Variants in SNTB1 observed in about 807,000 individuals in gnomAD.
SNTB1 encodes the protein beta-1-syntrophin.
A neutral mutation model predicts 48.9 loss-of-function variants in SNTB1; 36 were observed. The observed-to-expected ratio is 0.74, with a 90% CI of 0.56 to 0.97. The LOEUF (loss-of-function observed/expected upper bound fraction) is 0.97. Among genes scored for constraint, SNTB1 ranks in the 50% least tolerant of loss-of-function variants. SNTB1 has a pLI of 0.00. For synonymous variants in SNTB1, 299 were observed against 294.6 expected, an observed-to-expected ratio of 1.01 and a Z score of -0.15; for missense variants, 786 against 703.4, an observed-to-expected ratio of 1.12 and a Z score of -1.33.
chr8:120,793,326 G>C (rs1473031234), intron 1 of SNTB1, among the ~76,000 whole-genome samples: 1 of 152,076 alleles, frequency 6.6e-6, no homozygotes, highest in East Asian at 1.9e-4. Flanking sequence ...ATCTGTGCTT[G>C]CCCAAAGGCA....
chr8:120,612,444 C>T (rs994285009), intron 3 of SNTB1, among the ~76,000 whole-genome samples: 4 of 152,212 alleles, frequency 2.6e-5, no homozygotes, highest in Admixed American at 6.5e-5. Flanking sequence ...TTATTAAACA[C>T]TGTTAGGCAT....
chr8:120,599,704 G>C (rs2130717287), intron 3 of SNTB1, among the ~76,000 whole-genome samples: 1 of 152,312 alleles, frequency 6.6e-6, no homozygotes, highest in African/African-American at 2.4e-5. Flanking sequence ...ATATGTCAAA[G>C]AGATGTCGTA....
intron 1 of SNTB1, among the ~76,000 whole-genome samples, chr8:120,715,631 G>A (rs1818542318): frequency 6.6e-6 from 1 of 152,222 alleles, no homozygotes; most frequent in African/African-American, 2.4e-5. Context: ...TAAAGTTTCT[G>A]TGACGATTTC....
At chr8:120,598,307 C>T (rs1214037371) in intron 3 of SNTB1, among the ~76,000 whole-genome samples, 2 of 152,200 alleles carry the variant, frequency 1.3e-5, no homozygotes, top group African/African-American at 4.8e-5. Context: ...CTTCTTCATC[C>T]TCATCTCTGC....
intron 5 of SNTB1, among the ~76,000 whole-genome samples, chr8:120,543,810 G>A (rs966003511): frequency 1.3e-5 from 2 of 152,110 alleles, no homozygotes; most frequent in Admixed American, 1.3e-4. Context: ...CTTGTAACTA[G>A]GGCTGATCTT....
At chr8:120,763,693 A>G (rs758606523) in intron 1 of SNTB1, among the ~76,000 whole-genome samples, 7 of 152,200 alleles carry the variant, frequency 4.6e-5, no homozygotes, top group Non-Finnish European at 1.0e-4. Context: ...AAGACAACCT[A>G]TAAGAATTAA....
chr8:120,795,128 T>C (rs889192951), intron 1 of SNTB1, among the ~76,000 whole-genome samples: 3 of 152,114 alleles, frequency 2.0e-5, no homozygotes, highest in Non-Finnish European at 4.4e-5. Flanking sequence ...ATTTAAAATT[T>C]ATTTGTATCA....
intron 3 of SNTB1, among the ~76,000 whole-genome samples, chr8:120,578,138 A>G (rs540115081): frequency 1.3e-5 from 2 of 151,830 alleles, no homozygotes; most frequent in South Asian, 2.1e-4. Context: ...GGTTCACGCC[A>G]TTCTCCTGCC....
chr8:120,555,876 G>C (rs1054077479), intron 4 of SNTB1, among the ~76,000 whole-genome samples: 2 of 152,116 alleles, frequency 1.3e-5, no homozygotes, highest in Admixed American at 6.5e-5. Flanking sequence ...GAAAGACCAC[G>C]TGAGGACACA....
chr8:120,646,461 T>A (rs979692030), intron 2 of SNTB1, among the ~76,000 whole-genome samples: 5 of 150,208 alleles, frequency 3.3e-5, no homozygotes, highest in African/African-American at 1.2e-4. Flanking sequence ...AAATGCTGGA[T>A]TACATTTATT....
chr8:120,758,747 C>G (rs1271957158), intron 1 of SNTB1, among the ~76,000 whole-genome samples: 1 of 152,110 alleles, frequency 6.6e-6, no homozygotes, highest in Non-Finnish European at 1.5e-5. Context: ...ACTAGGCAAA[C>G]CTTAATATAC....
chr8:120,772,052 T>G (rs1049976181), intron 1 of SNTB1, among the ~76,000 whole-genome samples: 2 of 151,930 alleles, frequency 1.3e-5, no homozygotes, highest in African/African-American at 4.8e-5. Flanking sequence ...GTATTTTTAG[T>G]AGAGACAAGG....
intron 2 of SNTB1, among the ~76,000 whole-genome samples, chr8:120,683,460 G>A (rs749550922): frequency 2.6e-5 from 4 of 152,044 alleles, no homozygotes; most frequent in African/African-American, 7.2e-5. Context: ...AAACTCCCAG[G>A]TGTCAAAAAA....
chr8:120,752,684 A>C (rs1360056395), intron 1 of SNTB1, among the ~76,000 whole-genome samples: 1 of 151,130 alleles, frequency 6.6e-6, no homozygotes, highest in Admixed American at 6.6e-5. Flanking sequence ...CCATTATCCT[A>C]AGTTAATTAG....
chr8:120,726,676 G>T (rs1052483385), intron 1 of SNTB1, among the ~76,000 whole-genome samples: 2 of 152,162 alleles, frequency 1.3e-5, no homozygotes, highest in African/African-American at 2.4e-5. Context: ...CCATTATCTG[G>T]ACTATTTCTG....
chr8:120,598,663 T>C (rs563005409), intron 3 of SNTB1, among the ~76,000 whole-genome samples: 2 of 152,322 alleles, frequency 1.3e-5, no homozygotes, highest in East Asian at 3.9e-4. Flanking sequence ...CTTAAAGCAA[T>C]ACGTATTTAT....
At chr8:120,660,952 C>T (rs1000582642) in intron 2 of SNTB1, among the ~76,000 whole-genome samples, 23 of 152,140 alleles carry the variant, frequency 1.5e-4, no homozygotes, top group Non-Finnish European at 1.0e-4. Context: ...ATACATACAA[C>T]ATTTATGCAT....
At chr8:120,788,771 T>C (rs1403292993) in intron 1 of SNTB1, among the ~76,000 whole-genome samples, 2 of 151,998 alleles carry the variant, frequency 1.3e-5, no homozygotes, top group Non-Finnish European at 1.5e-5. Flanking sequence ...TGAAAAGAAA[T>C]AGTCAGCAGC....
chr8:120,544,904 T>A (rs745569266), intron 5 of SNTB1, among the ~76,000 whole-genome samples: 8 of 152,002 alleles, frequency 5.3e-5, no homozygotes, highest in Non-Finnish European at 8.8e-5. Context: ...ACTAATTAGT[T>A]TCAGGATAAT....
Sources: gnomAD v4.1 joint callset for allele counts (sites outside exome capture counted in the v4.1 genomes callset) on GRCh38, gnomAD v4.1.1 for gene constraint, MANE v1.5 for transcripts, NCBI Gene and HGNC (gene_info 2026-07-23, HGNC 2026-07-21) for gene names.